The following PALS2 variants were observed in gnomAD, a reference collection of about 807,000 sequenced individuals.
PALS2 encodes protein associated with LIN7 2, MAGUK p55 family member.
Under a neutral mutation model 61.6 loss-of-function variants are expected in PALS2, and 27 were observed. The observed-to-expected ratio is 0.44, with a 90% CI of 0.32 to 0.60. The LOEUF is 0.60. Ranked by LOEUF, PALS2 falls within the 20% of genes least tolerant of loss-of-function variation. The pLI is 0.05. For synonymous variants in PALS2, 236 were observed against 218.6 expected, an observed-to-expected ratio of 1.08 and a Z score of -0.70; for missense variants, 554 against 639.4, an observed-to-expected ratio of 0.87 and a Z score of 1.44.
At chr7:24,612,960 CTT>C (rs1784165925) in intron 1 of PALS2, among the ~76,000 whole-genome samples, 1 of 151,760 alleles carries the variant, frequency 6.6e-6, no homozygotes, top group Non-Finnish European at 1.5e-5. Context: ...TAAAATGACT[CTT>C]ATTTCCTTCT....
chr7:24,646,989 A>G (rs991626147), intron 3 of PALS2, among the ~76,000 whole-genome samples: 3 of 151,970 alleles, frequency 2.0e-5, no homozygotes, highest in East Asian at 1.9e-4. Context: ...TGGGTTCAGT[A>G]GTAACATTCC....
chr7:24,693,364 A>G lies in PALS2; in HGVS notation c.*5750A>G, dbSNP rs1788563415. On this transcript the variant is annotated 3_prime_UTR_variant, in exon 12 of 12. Transcript: ENST00000222644. ...TGAAATTTGGCTCTCCTCCTATCAA[A>G]GTAGCCTAGGAGCTTGGAGGAAGCC... is the stretch of plus-strand genomic sequence containing the variant. 1 of 152,192 alleles carries G rather than the reference A, an allele frequency of 6.6e-6. No individual in the cohort carries two copies. Among genetic ancestry groups the G allele is most frequent in the South Asian group, 2.1e-4 (1 of 4,834 alleles). The allele number at this position is 152,192 out of a possible 1,614,324, so 9.4% of individuals were successfully genotyped here.
At chr7:24,576,747 G>A (rs1243770272) in intron 1 of PALS2, among the ~76,000 whole-genome samples, 2 of 152,190 alleles carry the variant, frequency 1.3e-5, no homozygotes, top group Admixed American at 6.5e-5. Context: ...TCTGTGAAGT[G>A]TATCTATATC....
chr7:24,679,035 C>A, intron 9 of PALS2, 96 bp from the exon 10 acceptor site: 1 of 1,034,188 alleles, frequency 9.7e-7, no homozygotes, highest in Non-Finnish European at 1.5e-6. Flanking sequence ...GTTTGCTGCA[C>A]CCAGTGGAAA....
intron 5 of PALS2, among the ~76,000 whole-genome samples, chr7:24,659,864 C>T (rs1167133146): frequency 6.6e-6 from 1 of 152,208 alleles, no homozygotes; most frequent in Non-Finnish European, 1.5e-5. Context: ...CCTCACAATT[C>T]TCTCTCTGTG....
At chr7:24,665,564 T>C in intron 6 of PALS2, 24 bp from the exon 7 acceptor site, 1 of 1,609,740 alleles carries the variant, frequency 6.2e-7, no homozygotes, top group South Asian at 1.1e-5. Flanking sequence ...CACTGAGATG[T>C]ACAATTCATT....
chr7:24,652,041 A>G (rs550712018), intron 5 of PALS2, among the ~76,000 whole-genome samples: 1 of 152,358 alleles, frequency 6.6e-6, no homozygotes, highest in African/African-American at 2.4e-5. Flanking sequence ...AAATGATATT[A>G]GTACTTAGAC....
Position 24,665,985 on chromosome 7 carries a change from T to C in PALS2, c.884-36T>C, listed in dbSNP as rs754580852. 7.0e-6 allele frequency: 11 copies of C among 1,563,240 alleles called. 1 individual carries two copies. The highest frequency in any genetic ancestry group is 3.4e-4 in the Middle Eastern group (2 of 5,840). ...AGGGCAATTTTTTCATATTCTGATA[T>C]ACTGCTTAAGTTATATTTGTTTTAT... On this transcript the variant is annotated intron_variant, in intron 7 of 11. Coordinates refer to ENST00000222644, the MANE Select transcript of PALS2 (RefSeq NM_001303037.2).
rs1440767005 is a variant in PALS2, at chr7:24,618,218, T to C, written c.-2-5448T>C. Among the ~76,000 whole-genome samples, 2 of 152,156 alleles carry C rather than the reference T, an allele frequency of 1.3e-5. No homozygotes were observed. Among genetic ancestry groups the C allele is most frequent in the African/African-American group, 4.8e-5 (2 of 41,432 alleles). ...GACCTCTGCTGCTCAGGGGAGGGCATACAGTGGTGTGACTGGCTCAAGGGT... is the reference window on the plus strand; with the variant it reads ...GACCTCTGCTGCTCAGGGGAGGGCACACAGTGGTGTGACTGGCTCAAGGGT... On this transcript the variant is annotated intron_variant, in intron 1 of 11. Transcript: ENST00000222644. This position sits in a 1 kb window ranked among gnomAD's most constrained non-coding sequence, Gnocchi z 5.1.
chr7:24,585,917 A>G (rs1583831873), intron 1 of PALS2, among the ~76,000 whole-genome samples: 1 of 152,036 alleles, frequency 6.6e-6, no homozygotes, highest in Admixed American at 6.6e-5. Context: ...TCTGCCATCT[A>G]TCTAGTTCCC....
intron 1 of PALS2, among the ~76,000 whole-genome samples, chr7:24,613,372 T>G (rs1185927780): frequency 1.3e-5 from 2 of 151,850 alleles, no homozygotes; most frequent in African/African-American, 4.8e-5. Flanking sequence ...AGTTGTTCAT[T>G]GTATTCTTAA....
intron 1 of PALS2, among the ~76,000 whole-genome samples, chr7:24,601,882 A>G (rs1000332233): frequency 1.1e-4 from 17 of 151,880 alleles, no homozygotes; most frequent in Admixed American, 2.0e-4. Flanking sequence ...CAGTATTCTG[A>G]TATTTCACAA....
At chr7:24,653,912 C>T (rs1365385757) in intron 5 of PALS2, among the ~76,000 whole-genome samples, 2 of 152,110 alleles carry the variant, frequency 1.3e-5, no homozygotes, top group Non-Finnish European at 2.9e-5. Context: ...CTTAAGGAAA[C>T]TGGCAGAAGC....
At position 24,680,496 on chromosome 7, in the gene PALS2, AG is replaced by A; in HGVS notation, c.1424del (p.Gly475GlufsTer7). The A allele has an allele frequency of 6.2e-7, 1 of 1,613,978 alleles. No homozygotes were observed. The highest frequency in any genetic ancestry group is 8.5e-7 in the Non-Finnish European group (1 of 1,179,874). ...RAMHKAVVDA[G>X]ITTKLLTDSD... ...CCATGCACAAGGCTGTGGTGGATGC[AG>A]GAATCACTACCAAGCTTCTGACCGT... is the stretch of plus-strand genomic sequence containing the variant. On this transcript the variant is annotated frameshift_variant, in exon 11 of 12. Coordinates refer to ENST00000222644, the MANE Select transcript of PALS2 (RefSeq NM_001303037.2). LOFTEE classifies it high-confidence loss of function.
rs556722362 is a variant in PALS2 at position 24,617,706 on chromosome 7, G to A, written c.-2-5960G>A. On this transcript the variant is annotated intron_variant, in intron 1 of 11. Transcript: ENST00000222644. ...GCTGCGATGGTGCAGCTTTGCCAGG[G>A]GTGGGCTCACTGGGCTGTTTCTCAG... is the stretch of plus-strand genomic sequence containing the variant. Among the ~76,000 whole-genome samples the A allele has an allele frequency of 2.0e-5, 3 of 152,300 alleles. No homozygotes were observed. The East Asian group carries it at 5.8e-4, about 29-fold the overall frequency.
At chr7:24,653,651 A>G (rs1786273292) in intron 5 of PALS2, among the ~76,000 whole-genome samples, 1 of 152,230 alleles carries the variant, frequency 6.6e-6, no homozygotes, top group African/African-American at 2.4e-5. Flanking sequence ...CCCTCAGATG[A>G]TACAGCAAAC....
rs968302622 is a variant in PALS2 at position 24,687,689 on chromosome 7, A to G, written c.*75A>G. On this transcript the variant is annotated 3_prime_UTR_variant, in exon 12 of 12. Transcript: ENST00000222644. The surrounding 1 kb of genome is among the most constrained non-coding windows in gnomAD (Gnocchi z 4.5). ...AACAAATAAACCTTCTACTGAGAAA[A>G]TACATCACAGATAGAAGATTATCTG... The G allele has an allele frequency of 7.9e-6, 11 of 1,384,586 alleles. No individual in the cohort carries two copies. Among genetic ancestry groups the G allele is most frequent in the African/African-American group, 1.5e-5 (1 of 67,932 alleles). 85.8% of individuals were successfully genotyped at this position (1,384,586 alleles called of 1,614,324 possible).
intron 1 of PALS2, among the ~76,000 whole-genome samples, chr7:24,576,947 G>T (rs897360478): frequency 6.6e-6 from 1 of 152,098 alleles, no homozygotes; most frequent in African/African-American, 2.4e-5. Flanking sequence ...TTATTACCAG[G>T]TGTAATAAAG....
At chr7:24,674,323 C>A (rs1289304874) in intron 9 of PALS2, 2 of 153,258 alleles carry the variant, frequency 1.3e-5, no homozygotes, top group Non-Finnish European at 2.9e-5. Context: ...GCTGCTTACT[C>A]TTACTCATTT....
Sources: gnomAD v4.1 joint callset for allele counts (sites outside exome capture counted in the v4.1 genomes callset) on GRCh38, gnomAD v4.1.1 for gene constraint, Gnocchi (gnomAD v3.1) non-coding constraint, MANE v1.5 for transcripts, NCBI Gene and HGNC (gene_info 2026-07-23, HGNC 2026-07-21) for gene names.